APH1B: variants seen among roughly 807,000 people sequenced by gnomAD.
APH1B encodes aph-1B gamma-secretase subunit.
APH1B carries 27 observed loss-of-function variants against 28.2 expected under a neutral mutation model. The ratio of observed to expected loss-of-function variants is 0.96; its 90% CI spans 0.70 to 1.32. The LOEUF (loss-of-function observed/expected upper bound fraction) is 1.32. Among genes scored for constraint, APH1B ranks in the 40% most tolerant of loss-of-function variants. The probability of loss-of-function intolerance (pLI) is 0.00; values close to 1 mark genes in which losing one functional copy is unlikely to be tolerated. For synonymous variants in APH1B, 141 were observed against 124.6 expected (o/e 1.13, Z -0.88); for missense variants, 305 against 313.6 (o/e 0.97, Z 0.21).
At chr15:63,278,541 T>TA (rs2038350905) in intron 1 of APH1B, among the ~76,000 whole-genome samples, 1 of 152,248 alleles carries the variant, frequency 6.6e-6, no homozygotes, top group Admixed American at 6.5e-5. Flanking sequence ...TTAAAAATAA[T>TA]AGAGATTTGG....
At chr15:63,288,129 T>C (rs909394675) in intron 4 of APH1B, among the ~76,000 whole-genome samples, 1 of 152,136 alleles carries the variant, frequency 6.6e-6, no homozygotes, top group Non-Finnish European at 1.5e-5. Context: ...ACAAGAAGAC[T>C]CTTTTAAAAA....
At chr15:63,302,621 T>G in intron 5 of APH1B, 149 bp downstream of exon 5, 1 of 1,058,604 alleles carries the variant, frequency 9.4e-7, no homozygotes, top group Non-Finnish European at 1.3e-6. Context: ...GTCATGTAAG[T>G]CTTACCACAA....
At chr15:63,281,853 C>A (rs1003960772) in intron 2 of APH1B, among the ~76,000 whole-genome samples, 4 of 151,544 alleles carry the variant, frequency 2.6e-5, no homozygotes, top group Admixed American at 2.6e-4. Flanking sequence ...AGGAGTAGGA[C>A]CACATGAGGA....
At chr15:63,291,096 T>C (rs958000391) in intron 4 of APH1B, among the ~76,000 whole-genome samples, 1 of 151,754 alleles carries the variant, frequency 6.6e-6, no homozygotes, top group Non-Finnish European at 1.5e-5. Context: ...AACGCCTAGC[T>C]CAGAGTTGTT....
At chr15:63,292,989 C>T (rs905108963) in intron 4 of APH1B, among the ~76,000 whole-genome samples, 3 of 152,198 alleles carry the variant, frequency 2.0e-5, no homozygotes, top group Non-Finnish European at 4.4e-5. Context: ...TCACTGATGT[C>T]TCTTTCCTCA....
At chr15:63,281,217 G>A in intron 2 of APH1B, among the ~76,000 whole-genome samples, 1 of 152,114 alleles carries the variant, frequency 6.6e-6, no homozygotes, top group South Asian at 2.1e-4. Context: ...AGTCTCTGCT[G>A]CATGGTTATA....
intron 4 of APH1B, among the ~76,000 whole-genome samples, chr15:63,296,598 T>G (rs2038570407): frequency 6.6e-6 from 1 of 151,880 alleles, no homozygotes; most frequent in African/African-American, 2.4e-5. Context: ...TGAATCTGTG[T>G]GTTAGAGCAT....
In APH1B at chr15:63,307,362, TTAGAGATA is replaced by T. The variant is rs1187324798; in HGVS notation, c.*1582_*1589del. ...CCCCATGTTTAAAATATTAGAATGT[TTAGAGATA>T]AAATAGAGATAATAGAGATAAAAGA... On this transcript the variant is annotated 3_prime_UTR_variant, in exon 6 of 6. Transcript: ENST00000261879. 9.2e-5 allele frequency: 14 copies of T among 152,060 alleles called. No homozygotes were observed. Among genetic ancestry groups the T allele is most frequent in the Non-Finnish European group, 1.8e-4 (12 of 67,996 alleles). The allele number at this position is 152,060 out of a possible 1,614,324, so 9.4% of individuals were successfully genotyped here. A position where few individuals can be genotyped will look rare whatever the true frequency, so the allele number is the denominator to read the frequency against.
Position 63,302,340 on chromosome 15 carries a change from T to C in APH1B, c.479-5T>C. 1.2e-6 allele frequency: 2 copies of C among 1,613,748 alleles called. No homozygotes were observed. The highest frequency in any genetic ancestry group is 1.7e-6 in the Non-Finnish European group (2 of 1,179,842). ...GAGTGACACTAATGGTCGGCTCTCT[T>C]TCAGCTTTCATGACGCTGGTCATTA... On this transcript the variant is annotated splice_polypyrimidine_tract_variant and splice_region_variant and intron_variant, in intron 4 of 5. Transcript: ENST00000261879.
chr15:63,297,866 A>T (rs1405188128), intron 4 of APH1B, among the ~76,000 whole-genome samples: 1 of 152,192 alleles, frequency 6.6e-6, no homozygotes, highest in Non-Finnish European at 1.5e-5. Context: ...GTGATAGTGA[A>T]GGCTGTGATG....
chr15:63,305,087 A>C (rs939483163), intron 5 of APH1B, among the ~76,000 whole-genome samples: 1 of 152,186 alleles, frequency 6.6e-6, no homozygotes, highest in Admixed American at 6.5e-5. Flanking sequence ...TGCCTCCCTT[A>C]CTAGTACAGA....
At chr15:63,296,230 G>C (rs2038566032) in intron 4 of APH1B, among the ~76,000 whole-genome samples, 1 of 152,168 alleles carries the variant, frequency 6.6e-6, no homozygotes, top group African/African-American at 2.4e-5. Context: ...AGGATGGATG[G>C]AGGAGTGTCT....
intron 3 of APH1B, 94 bp downstream of exon 3, chr15:63,286,722 T>C (rs2038450968): frequency 8.4e-7 from 1 of 1,192,994 alleles, no homozygotes; most frequent in African/African-American, 1.6e-5. Context: ...TTTCAAGTAG[T>C]TGTTTATTAC....
intron 2 of APH1B, among the ~76,000 whole-genome samples, chr15:63,279,584 G>C (rs2038363482): frequency 6.6e-6 from 1 of 151,952 alleles, no homozygotes; most frequent in African/African-American, 2.4e-5. Context: ...TAGGTACTGG[G>C]GATACATCAG....
chr15:63,308,285 C>G lies in APH1B; in HGVS notation c.*2504C>G, dbSNP rs2038707577. On this transcript the variant is annotated 3_prime_UTR_variant, in exon 6 of 6. Transcript: ENST00000261879. ...TATATTACCATGTGAATAATAGAGA[C>G]TGTGTTGCTCTCTAGTATAAGCTAT... is the stretch of plus-strand genomic sequence containing the variant. 6.6e-6 allele frequency: 1 copy of G among 152,084 alleles called. No individual in the cohort carries two copies. The highest frequency in any genetic ancestry group is 2.4e-5 in the African/African-American group (1 of 41,396). 9.4% of individuals were successfully genotyped at this position (152,084 alleles called of 1,614,324 possible). A position where few individuals can be genotyped will look rare whatever the true frequency, so the allele number is the denominator to read the frequency against.
At position 63,305,916 on chromosome 15, in the gene APH1B, T is replaced by C. The variant is rs2038683374; in HGVS notation, c.*135T>C. The C allele has an allele frequency of 8.2e-7, 1 of 1,214,816 alleles. No homozygotes were observed. The highest frequency in any genetic ancestry group is 2.9e-5 in the Admixed American group (1 of 34,602). The allele number at this position is 1,214,816 out of a possible 1,614,324, so 75.3% of individuals were successfully genotyped here. ...CTATGCAGATATGCGTTCCATTCAC[T>C]TGGCTTTCACACAACTGCTCTCCGA... On this transcript the variant is annotated 3_prime_UTR_variant, in exon 6 of 6. Coordinates refer to ENST00000261879, the MANE Select transcript of APH1B (RefSeq NM_031301.4).
At chr15:63,293,457 G>A (rs1434352380) in intron 4 of APH1B, among the ~76,000 whole-genome samples, 10 of 150,700 alleles carry the variant, frequency 6.6e-5, no homozygotes, top group Middle Eastern at 3.5e-3. Flanking sequence ...GTAAGCCACC[G>A]CACCTGGCCT....
chr15:63,304,691 T>C lies in APH1B; in HGVS notation c.607-923T>C, dbSNP rs1175625692. On this transcript the variant is annotated intron_variant, in intron 5 of 5. Coordinates refer to ENST00000261879, the MANE Select transcript of APH1B (RefSeq NM_031301.4). This position sits in a 1 kb window ranked among gnomAD's most constrained non-coding sequence, Gnocchi z 5.1. Reference sequence around the variant, plus strand: ...AAAATTTGTTCTATTTTTCTCATTTTTGGGTTGTAATTTTCTACAACAATC... The same window carrying C: ...AAAATTTGTTCTATTTTTCTCATTTCTGGGTTGTAATTTTCTACAACAATC... Among the ~76,000 whole-genome samples the C allele has an allele frequency of 6.6e-6, 1 of 152,246 alleles. No homozygotes were observed. Among genetic ancestry groups the C allele is most frequent in the African/African-American group, 2.4e-5 (1 of 41,464 alleles).
chr15:63,302,962 T>C (rs530546610), intron 5 of APH1B, among the ~76,000 whole-genome samples: 1 of 152,276 alleles, frequency 6.6e-6, no homozygotes, highest in African/African-American at 2.4e-5. Context: ...ACATAGTAGG[T>C]GGCCAGTAAA....
Sources: gnomAD v4.1 joint callset for allele counts (sites outside exome capture counted in the v4.1 genomes callset) on GRCh38, gnomAD v4.1.1 for gene constraint, Gnocchi (gnomAD v3.1) non-coding constraint, MANE v1.5 for transcripts, NCBI Gene and HGNC (gene_info 2026-07-23, HGNC 2026-07-21) for gene names.